DYNC1I1: variants seen among roughly 807,000 people sequenced by gnomAD.
DYNC1I1 encodes the protein cytoplasmic dynein 1 intermediate chain 1.
DYNC1I1 carries 43 observed loss-of-function variants against 86.6 expected under a neutral mutation model. The observed-to-expected ratio is 0.50, with a 90% CI of 0.39 to 0.64. The LOEUF (loss-of-function observed/expected upper bound fraction) is 0.64. Ranked by LOEUF, DYNC1I1 falls within the 30% of genes least tolerant of loss-of-function variation. The pLI, the probability that DYNC1I1 is intolerant of heterozygous loss-of-function variation, is 0.00. For synonymous variants in DYNC1I1, 262 were observed against 283.7 expected (o/e 0.92, Z 0.77); for missense variants, 604 against 788.8 (o/e 0.77, Z 2.81).
At chr7:95,806,962 C>T (rs1210784621) in intron 2 of DYNC1I1, among the ~76,000 whole-genome samples, 1 of 152,014 alleles carries the variant, frequency 6.6e-6, no homozygotes, top group Non-Finnish European at 1.5e-5. Flanking sequence ...ACAGAATGGC[C>T]CTGAGTGGGT....
chr7:95,908,767 A>G (rs1314293299), intron 6 of DYNC1I1, among the ~76,000 whole-genome samples: 27 of 152,190 alleles, frequency 1.8e-4, no homozygotes, highest in Admixed American at 1.8e-3. Context: ...CATGGAGAGC[A>G]GAGTGCTCGG....
chr7:96,108,837 G>A (rs1171699694), intron 16 of DYNC1I1, among the ~76,000 whole-genome samples: 1 of 148,904 alleles, frequency 6.7e-6, no homozygotes, highest in African/African-American at 2.5e-5. Context: ...CTCCAGCCTT[G>A]GCGACAGAGT....
At chr7:96,075,206 T>C (rs1218248804) in intron 14 of DYNC1I1, among the ~76,000 whole-genome samples, 1 of 152,202 alleles carries the variant, frequency 6.6e-6, no homozygotes, top group Admixed American at 6.5e-5. Context: ...CAATATTCAC[T>C]GGAAATCAAG....
At chr7:96,098,628 C>T (rs1001220321), downstream of DYNC1I1, among the ~76,000 whole-genome samples, 12 of 152,156 alleles carry the variant, frequency 7.9e-5, no homozygotes, top group African/African-American at 2.4e-4. Context: ...GAAAGCTCCT[C>T]CTTCTCACCT....
intron 5 of DYNC1I1, among the ~76,000 whole-genome samples, chr7:95,857,974 T>C (rs1789770708): frequency 6.6e-6 from 1 of 152,264 alleles, no homozygotes; most frequent in Non-Finnish European, 1.5e-5. Context: ...ATTGTGGTCC[T>C]GAGAGGGATA....
chr7:95,918,135 C>G (rs1338848638), intron 6 of DYNC1I1, among the ~76,000 whole-genome samples: 1 of 152,164 alleles, frequency 6.6e-6, no homozygotes, highest in Admixed American at 6.5e-5. Context: ...TTTCTGCCTC[C>G]GTTTCCCTGT....
At chr7:95,785,773 GTGTATATATATATATATA>G (rs1562891579) in intron 1 of DYNC1I1, among the ~76,000 whole-genome samples, 56 of 56,458 alleles carry the variant, frequency 9.9e-4, no homozygotes, top group Non-Finnish European at 1.8e-3. Context: ...ATGTGTGTAT[GTGTATATATATATATATA>G]TATATATATA....
chr7:96,032,548 G>C, intron 11 of DYNC1I1, 119 bp from the exon 12 acceptor site: 1 of 753,592 alleles, frequency 1.3e-6, no homozygotes, highest in Non-Finnish European at 2.1e-6. Flanking sequence ...CCTGACGCTT[G>C]TATTATAGTA....
At chr7:95,941,257 C>A (rs371184690) in intron 6 of DYNC1I1, among the ~76,000 whole-genome samples, 1 of 151,928 alleles carries the variant, frequency 6.6e-6, no homozygotes. Context: ...GGGTCAGGGA[C>A]CCACTTGAGG....
chr7:96,058,292 T>A (rs904975489), intron 14 of DYNC1I1, among the ~76,000 whole-genome samples: 13 of 152,056 alleles, frequency 8.5e-5, no homozygotes, highest in Admixed American at 8.5e-4. Flanking sequence ...TTTTTAACTT[T>A]GATAAGAATA....
At chr7:96,076,030 A>T (rs1790325179) in intron 14 of DYNC1I1, 27 bp from the exon 15 acceptor site, 1 of 1,605,840 alleles carries the variant, frequency 6.2e-7, no homozygotes, top group African/African-American at 1.3e-5. Context: ...AGCGCCACAA[A>T]GTCTTCACGG....
intron 6 of DYNC1I1, among the ~76,000 whole-genome samples, chr7:95,897,293 A>G (rs564633419): frequency 6.6e-6 from 1 of 152,238 alleles, no homozygotes; most frequent in South Asian, 2.1e-4. Flanking sequence ...TCCTAGGAAA[A>G]TGAATTTATG....
intron 6 of DYNC1I1, among the ~76,000 whole-genome samples, chr7:95,913,485 G>A (rs1310565038): frequency 2.6e-5 from 4 of 152,154 alleles, no homozygotes; most frequent in South Asian, 2.1e-4. Context: ...TGCTGTTCTC[G>A]TGATAGTGAA....
At position 95,804,868 on chromosome 7, in the gene DYNC1I1, G is replaced by T. The variant is rs1177760017; in HGVS notation, c.108+31G>T. ...TCCTGGGTGTTGGGGTGTTGTGGGGGAAAAAGGAAAATCACTTGATTCTGA... is the reference window on the plus strand; with the variant it reads ...TCCTGGGTGTTGGGGTGTTGTGGGGTAAAAAGGAAAATCACTTGATTCTGA... On this transcript the variant is annotated intron_variant, in intron 2 of 16. Coordinates refer to ENST00000447467, the MANE Select transcript of DYNC1I1 (RefSeq NM_001135556.2). 12 of 1,531,972 alleles carry T rather than the reference G, an allele frequency of 7.8e-6. 1 individual carries two copies. In the South Asian group the frequency reaches 1.5e-4, roughly 19 times the overall value. 94.9% of individuals were successfully genotyped at this position (1,531,972 alleles called of 1,614,324 possible).
chr7:96,024,219 T>G (rs1261858350), intron 10 of DYNC1I1, among the ~76,000 whole-genome samples: 1 of 152,186 alleles, frequency 6.6e-6, no homozygotes, highest in Non-Finnish European at 1.5e-5. Context: ...CTCACCAACT[T>G]TATAATTATT....
At chr7:95,967,685 C>T (rs114933116) in intron 6 of DYNC1I1, among the ~76,000 whole-genome samples, 2,576 of 152,266 alleles carry the variant, frequency 0.017, 90 homozygotes, top group African/African-American at 0.059. Context: ...TGCTAGAATG[C>T]CAGCTCCATG....
At chr7:95,992,992 C>T (rs2115737579) in intron 9 of DYNC1I1, among the ~76,000 whole-genome samples, 1 of 152,186 alleles carries the variant, frequency 6.6e-6, no homozygotes, top group East Asian at 1.9e-4. Context: ...TAAAATTCTC[C>T]TAGGGTAAGT....
At chr7:95,974,663 T>A (rs1793258181) in intron 6 of DYNC1I1, among the ~76,000 whole-genome samples, 1 of 152,170 alleles carries the variant, frequency 6.6e-6, no homozygotes, top group Non-Finnish European at 1.5e-5. Flanking sequence ...ATATTAAGCA[T>A]TGCCGGCCAG....
intron 6 of DYNC1I1, among the ~76,000 whole-genome samples, chr7:95,902,744 T>A (rs555564602): frequency 6.6e-6 from 1 of 152,310 alleles, no homozygotes; most frequent in African/African-American, 2.4e-5. Context: ...TGTCTCCTCC[T>A]CCTAATGAAA....
Sources: gnomAD v4.1 joint callset for allele counts (sites outside exome capture counted in the v4.1 genomes callset) on GRCh38, gnomAD v4.1.1 for gene constraint, MANE v1.5 for transcripts, NCBI Gene and HGNC (gene_info 2026-07-23, HGNC 2026-07-21) for gene names.